PAK1: variants seen among roughly 807,000 people sequenced by gnomAD.
PAK1 encodes p21 (RAC1) activated kinase 1, also known as serine/threonine-protein kinase PAK 1.
A neutral mutation model predicts 67.4 loss-of-function variants in PAK1; 29 were observed. That is an observed-to-expected ratio of 0.43 (90% confidence interval 0.32 to 0.59). PAK1 has a LOEUF of 0.59. PAK1 is among the 20% of genes least tolerant of loss of function. The probability of loss-of-function intolerance (pLI) is 0.07; values close to 1 mark genes in which losing one functional copy is unlikely to be tolerated. For missense variants in PAK1, 337 were observed against 670.7 expected, an observed-to-expected ratio of 0.50 and a Z score of 5.50; for synonymous variants, 223 against 237.4, an observed-to-expected ratio of 0.94 and a Z score of 0.56.
intron 1 of PAK1, among the ~76,000 whole-genome samples, chr11:77,423,010 C>A (rs1955352168): frequency 6.6e-6 from 1 of 151,972 alleles, no homozygotes; most frequent in East Asian, 1.9e-4. Flanking sequence ...ATACAAGCAA[C>A]CAATGCCCTC....
chr11:77,466,618 T>G (rs1052330845), intron 1 of PAK1, among the ~76,000 whole-genome samples: 1 of 150,666 alleles, frequency 6.6e-6, no homozygotes, highest in African/African-American at 2.5e-5. Context: ...AAAAAAAAAG[T>G]CTTCAAATGA....
chr11:77,472,736 T>C (rs1957924478), intron 1 of PAK1, among the ~76,000 whole-genome samples: 2 of 152,222 alleles, frequency 1.3e-5, no homozygotes, highest in South Asian at 4.1e-4. Flanking sequence ...TCAAGACTAA[T>C]GAATCTGAAT....
chr11:77,469,132 G>T (rs965385600), intron 1 of PAK1, among the ~76,000 whole-genome samples: 4 of 152,084 alleles, frequency 2.6e-5, no homozygotes, highest in African/African-American at 7.2e-5. Flanking sequence ...TATATCCTCT[G>T]TGCAGAAACA....
intron 1 of PAK1, 48 bp from the exon 2 acceptor site, chr11:77,392,589 A>G: frequency 3.5e-6 from 5 of 1,424,274 alleles, no homozygotes; most frequent in Non-Finnish European, 4.7e-6. Context: ...ATTTTTGACC[A>G]AAAGGAAATA....
intron 1 of PAK1, among the ~76,000 whole-genome samples, chr11:77,454,911 C>T (rs1957017717): frequency 6.6e-6 from 1 of 152,154 alleles, no homozygotes; most frequent in Non-Finnish European, 1.5e-5. Flanking sequence ...GGCAGGTGGT[C>T]TCTACTGGTT....
Position 77,336,146 on chromosome 11 carries a change from G to T in PAK1, c.1353C>A (p.Gly451=). The change falls in exon 13 of 15, where the codon GGC becomes GGA. Residue 451 remains glycine, a synonymous_variant. Transcript: ENST00000356341. ...CTTCAATCATTTCGATGGCCATGAT[G>T]CCCAGGGACCAGATGTCAACCTTGG... ...YGPKVDIWSL[G]IMAIEMIEGE... The T allele has an allele frequency of 6.2e-7, 1 of 1,613,608 alleles. No homozygotes were observed. Among genetic ancestry groups the T allele is most frequent in the Non-Finnish European group, 8.5e-7 (1 of 1,179,512 alleles).
At chr11:77,501,168 A>ACAAAAAC in the PAK1 span, among the ~76,000 whole-genome samples, 1 of 151,916 alleles carries the variant, frequency 6.6e-6, no homozygotes, top group Non-Finnish European at 1.5e-5. Flanking sequence ...AAAACAAAAA[A>ACAAAAAC]CAAAAAACAA....
the PAK1 span, among the ~76,000 whole-genome samples, chr11:77,525,718 T>C: frequency 6.6e-6 from 1 of 152,326 alleles, no homozygotes; most frequent in East Asian, 1.9e-4. Context: ...GTTTACAAAG[T>C]GATCTTTCTC....
At chr11:77,338,159 ACTTCC>A (rs1250032260) in intron 11 of PAK1, among the ~76,000 whole-genome samples, 2 of 152,182 alleles carry the variant, frequency 1.3e-5, no homozygotes, top group Non-Finnish European at 2.9e-5. Flanking sequence ...ATAATTCTGG[ACTTCC>A]ATCTATAAAA....
intron 1 of PAK1, among the ~76,000 whole-genome samples, chr11:77,460,084 G>C (rs184599890): frequency 4.2e-4 from 62 of 149,312 alleles, no homozygotes; most frequent in African/African-American, 1.4e-3. Context: ...CCAGAATTGC[G>C]AACAGCAAAC....
chr11:77,349,959 G>A (rs1283177683), intron 8 of PAK1, among the ~76,000 whole-genome samples: 1 of 152,066 alleles, frequency 6.6e-6, no homozygotes, highest in Admixed American at 6.6e-5. Flanking sequence ...GGTTACATAG[G>A]CGTGTTCACT....
At chr11:77,489,693 C>T in the PAK1 span, among the ~76,000 whole-genome samples, 88,091 of 149,918 alleles carry the variant, frequency 0.59, 28,084 homozygotes, top group African/African-American at 0.83. Context: ...GCGAGTGATC[C>T]GCCAGCCTCG....
intron 1 of PAK1, among the ~76,000 whole-genome samples, chr11:77,398,693 T>C (rs533717310): frequency 3.9e-4 from 60 of 152,352 alleles, no homozygotes; most frequent in Non-Finnish European, 6.3e-4. Context: ...TGTGGGTAGA[T>C]ACCCAGCTGT....
the PAK1 span, among the ~76,000 whole-genome samples, chr11:77,529,751 G>C: frequency 9.6e-4 from 147 of 152,332 alleles, no homozygotes; most frequent in Non-Finnish European, 1.7e-3. Context: ...AAAGTAAGGG[G>C]AGGGCATTCC....
chr11:77,373,992 C>T (rs1472184142), intron 5 of PAK1, among the ~76,000 whole-genome samples: 2 of 152,082 alleles, frequency 1.3e-5, no homozygotes, highest in Non-Finnish European at 2.9e-5. Context: ...ACTGACTTTC[C>T]CAAGGTTCAA....
chr11:77,435,194 G>A (rs1476436853), intron 1 of PAK1, among the ~76,000 whole-genome samples: 1 of 151,146 alleles, frequency 6.6e-6, no homozygotes, highest in African/African-American at 2.4e-5. Flanking sequence ...ACTCTAAGTA[G>A]GTGAATTTCA....
chr11:77,325,875 A>G (rs1343807386), intron 14 of PAK1, among the ~76,000 whole-genome samples: 7 of 152,246 alleles, frequency 4.6e-5, no homozygotes, highest in Non-Finnish European at 8.8e-5. Context: ...AATTTCATTC[A>G]ATTCAATAAA....
Position 77,405,710 on chromosome 11 carries a change from CACA to C in PAK1, c.-21-13172_-21-13170del, listed in dbSNP as rs1953442287. 2.0e-5 allele frequency among the ~76,000 whole-genome samples: 3 copies of C among 151,174 alleles called. No individual in the cohort carries two copies. The South Asian group carries it at 6.2e-4, about 31-fold the overall frequency. ...ACACACACACACACACACACACACA[CACA>C]CCCTTCCCTTGACACCCACATCCTC... is the stretch of plus-strand genomic sequence containing the variant. On this transcript the variant is annotated intron_variant, in intron 1 of 14. Coordinates refer to ENST00000356341, the MANE Select transcript of PAK1 (RefSeq NM_002576.5).
intron 9 of PAK1, among the ~76,000 whole-genome samples, chr11:77,347,801 A>C (rs559545022): frequency 6.6e-6 from 1 of 152,346 alleles, no homozygotes; most frequent in African/African-American, 2.4e-5. Context: ...TGTAGTTCAT[A>C]AAGTTTATAA....
Sources: gnomAD v4.1 joint callset for allele counts (sites outside exome capture counted in the v4.1 genomes callset) on GRCh38, gnomAD v4.1.1 for gene constraint, MANE v1.5 for transcripts, NCBI Gene and HGNC (gene_info 2026-07-23, HGNC 2026-07-21) for gene names.